The following SKIC3 variants were observed in gnomAD, a reference collection of about 807,000 sequenced individuals.
The protein encoded by SKIC3 is superkiller complex protein 3.
At chr5:95,520,816 A>C in the SKIC3 span, 2 of 1,609,714 alleles carry the variant, frequency 1.2e-6, no homozygotes, top group Non-Finnish European at 1.7e-6. Context: ...CATTCACCCA[A>C]ACCTAAAATC....
At chr5:95,521,977 A>T in the SKIC3 span, 1 of 1,589,406 alleles carries the variant, frequency 6.3e-7, no homozygotes, top group Non-Finnish European at 8.6e-7. Context: ...TATTCAATAC[A>T]TTTAGGCAGG....
the SKIC3 span, chr5:95,520,771 AATCAACTAGAGCTGCTTTTGCC>A: frequency 1.2e-6 from 2 of 1,612,270 alleles, no homozygotes; most frequent in Non-Finnish European, 1.7e-6. Context: ...CCATCAAGAT[AATCAACTAGAGCTGCTTTTGCC>A]ATCATAAGAT....
At chr5:95,523,190 A>T in the SKIC3 span, 1 of 1,613,608 alleles carries the variant, frequency 6.2e-7, no homozygotes, top group African/African-American at 1.3e-5. Context: ...TAAATACAAT[A>T]AGGTGCCTTA....
the SKIC3 span, among the ~76,000 whole-genome samples, chr5:95,533,554 A>G: frequency 6.6e-6 from 1 of 152,200 alleles, no homozygotes; most frequent in Non-Finnish European, 1.5e-5. Context: ...TCTCAGTTCC[A>G]CAAATTCCTG....
At chr5:95,542,767 G>A in the SKIC3 span, among the ~76,000 whole-genome samples, 1 of 152,098 alleles carries the variant, frequency 6.6e-6, no homozygotes, top group South Asian at 2.1e-4. Flanking sequence ...AAACATTAAG[G>A]CCACTAAGTA....
chr5:95,528,207 TTTC>T, the SKIC3 span: 1 of 1,610,612 alleles, frequency 6.2e-7, no homozygotes, highest in African/African-American at 1.3e-5. Context: ...CTGTTTATTT[TTTC>T]TTTTTTAAGG....
At chr5:95,512,579 T>C in the SKIC3 span, 10 of 1,613,908 alleles carry the variant, frequency 6.2e-6, no homozygotes, top group East Asian at 6.7e-5. Context: ...TCTTGCAATG[T>C]TGTGCAGACC....
the SKIC3 span, among the ~76,000 whole-genome samples, chr5:95,542,105 A>C: frequency 6.6e-6 from 1 of 152,120 alleles, no homozygotes; most frequent in African/African-American, 2.4e-5. Context: ...GGTAAAGTGG[A>C]TATTGTTGAG....
the SKIC3 span, among the ~76,000 whole-genome samples, chr5:95,472,158 A>C: frequency 6.6e-6 from 1 of 152,194 alleles, no homozygotes; most frequent in Admixed American, 6.5e-5. Flanking sequence ...AACAGGATCT[A>C]GGATAACTCC....
the SKIC3 span, chr5:95,506,967 T>C: frequency 1.2e-6 from 2 of 1,613,474 alleles, no homozygotes; most frequent in Non-Finnish European, 1.7e-6. Context: ...TATTGCAACA[T>C]TGTAAGTATC....
At chr5:95,530,568 G>C in the SKIC3 span, among the ~76,000 whole-genome samples, 1 of 152,152 alleles carries the variant, frequency 6.6e-6, no homozygotes, top group Admixed American at 6.5e-5. Flanking sequence ...TGTCAAAGCA[G>C]AGTGTCTTCC....
At chr5:95,472,473 G>A in the SKIC3 span, among the ~76,000 whole-genome samples, 2 of 152,006 alleles carry the variant, frequency 1.3e-5, no homozygotes, top group Admixed American at 6.6e-5. Flanking sequence ...CCAGGACCCC[G>A]GAGGACACAG....
the SKIC3 span, chr5:95,528,042 AAG>A: frequency 6.2e-6 from 10 of 1,613,730 alleles, no homozygotes; most frequent in Non-Finnish European, 8.5e-6. Flanking sequence ...GCTTCCTCTG[AAG>A]AGTCATAATC....
At chr5:95,539,603 G>C in the SKIC3 span, among the ~76,000 whole-genome samples, 87 of 152,252 alleles carry the variant, frequency 5.7e-4, no homozygotes, top group East Asian at 7.7e-4. Context: ...CAACACTTTG[G>C]GGGGCTGAAG....
chr5:95,535,789 A>G, the SKIC3 span, among the ~76,000 whole-genome samples: 1 of 152,156 alleles, frequency 6.6e-6, no homozygotes, highest in Non-Finnish European at 1.5e-5. Context: ...GACACATGTG[A>G]GGGTCATTCA....
At chr5:95,539,617 G>A in the SKIC3 span, among the ~76,000 whole-genome samples, 1 of 152,146 alleles carries the variant, frequency 6.6e-6, no homozygotes, top group Non-Finnish European at 1.5e-5. Context: ...GCTGAAGTGG[G>A]CGGGTCACTT....
chr5:95,476,232 C>T, the SKIC3 span, among the ~76,000 whole-genome samples: 1 of 152,196 alleles, frequency 6.6e-6, no homozygotes, highest in Non-Finnish European at 1.5e-5. Context: ...CTCTGTACTC[C>T]TGAGTTGAAT....
At chr5:95,504,087 G>C in the SKIC3 span, 1 of 356,676 alleles carries the variant, frequency 2.8e-6, no homozygotes, top group Non-Finnish European at 5.5e-6. Context: ...GGCGGGGGGT[G>C]GGGGTGGGGG....
the SKIC3 span, chr5:95,536,531 C>A: frequency 2.7e-6 from 1 of 369,342 alleles, no homozygotes; most frequent in Non-Finnish European, 4.9e-6. Context: ...TCCTGTTTAC[C>A]TAGTTTCTAT....
Sources: gnomAD v4.1 joint callset for allele counts (sites outside exome capture counted in the v4.1 genomes callset) on GRCh38, gnomAD v4.1.1 for gene constraint, MANE v1.5 for transcripts, NCBI Gene and HGNC (gene_info 2026-07-23, HGNC 2026-07-21) for gene names.